Variants in NRG3 observed in about 807,000 individuals in gnomAD.
The protein encoded by NRG3 is neuregulin 3.
In NRG3, 31 loss-of-function variants were observed where a neutral mutation model predicts 66.9. The ratio of observed to expected loss-of-function variants is 0.46; its 90% confidence interval spans 0.35 to 0.63. NRG3 has a LOEUF of 0.63. Among genes scored for constraint, NRG3 ranks in the 20% least tolerant of loss-of-function variants. NRG3 has a pLI of 0.00. For missense variants in NRG3, 910 were observed against 878.9 expected (o/e 1.04, Z -0.45); for synonymous variants, 393 against 359.4 (o/e 1.09, Z -1.06).
At chr10:82,546,646 A>G (rs2043937597) in intron 2 of NRG3, among the ~76,000 whole-genome samples, 1 of 152,188 alleles carries the variant, frequency 6.6e-6, no homozygotes, top group South Asian at 2.1e-4. Context: ...TTTTATAACA[A>G]AAGTATTCCT....
intron 2 of NRG3, among the ~76,000 whole-genome samples, chr10:82,426,369 C>T (rs2089439223): frequency 6.6e-6 from 1 of 151,980 alleles, no homozygotes; most frequent in African/African-American, 2.4e-5. Flanking sequence ...GTTGTTGTCT[C>T]CAATAGTGGC....
At chr10:82,720,821 A>ATATATATATATATT (rs1173358001) in intron 2 of NRG3, among the ~76,000 whole-genome samples, 2 of 33,922 alleles carry the variant, frequency 5.9e-5, no homozygotes, top group Non-Finnish European at 1.3e-4. Context: ...ATATATATAT[A>ATATATATATATATT]TATATATATA....
chr10:82,232,779 G>A (rs1172564072), intron 1 of NRG3: 2 of 717,340 alleles, frequency 2.8e-6, no homozygotes, highest in Non-Finnish European at 5.2e-6. Context: ...ATGGCAACAT[G>A]GGGAAGACCA....
intron 2 of NRG3, among the ~76,000 whole-genome samples, chr10:82,512,719 T>C (rs1845306721): frequency 6.6e-6 from 1 of 152,214 alleles, no homozygotes; most frequent in African/African-American, 2.4e-5. Context: ...TAGATTTTTT[T>C]CCTTGCTTCT....
At chr10:82,161,841 A>G (rs185556979) in intron 1 of NRG3, among the ~76,000 whole-genome samples, 103 of 152,306 alleles carry the variant, frequency 6.8e-4, no homozygotes, top group Non-Finnish European at 6.3e-4. Flanking sequence ...AAGCAAAGCA[A>G]TTAAGCTTGG....
intron 4 of NRG3, among the ~76,000 whole-genome samples, chr10:82,891,652 T>C (rs1843158151): frequency 6.6e-6 from 1 of 152,092 alleles, no homozygotes; most frequent in African/African-American, 2.4e-5. Context: ...CTTGTTACTC[T>C]TACTTATTAC....
intron 1 of NRG3, among the ~76,000 whole-genome samples, chr10:82,217,205 C>T (rs2075731656): frequency 1.3e-5 from 2 of 152,128 alleles, no homozygotes; most frequent in African/African-American, 4.8e-5. Context: ...GTTGAGGGTG[C>T]CTGTGGGGCT....
At chr10:81,963,146 TTTTTTG>T (rs2059588482) in intron 1 of NRG3, among the ~76,000 whole-genome samples, 1 of 137,130 alleles carries the variant, frequency 7.3e-6, no homozygotes, top group Admixed American at 7.2e-5. Flanking sequence ...TTTTTTTTTT[TTTTTTG>T]AGACGGAGTC....
intron 1 of NRG3, among the ~76,000 whole-genome samples, chr10:82,336,969 A>G (rs2082423267): frequency 6.6e-6 from 1 of 152,164 alleles, no homozygotes; most frequent in African/African-American, 2.4e-5. Context: ...TAAGGCAAAG[A>G]GTTTTTGGGA....
At chr10:82,417,644 A>T (rs566787785) in intron 2 of NRG3, among the ~76,000 whole-genome samples, 1 of 152,316 alleles carries the variant, frequency 6.6e-6, no homozygotes, top group East Asian at 1.9e-4. Context: ...ATTTTACAGA[A>T]GGGGAAACTG....
At chr10:82,983,303 T>C (rs2132687941) in intron 8 of NRG3, among the ~76,000 whole-genome samples, 1 of 152,348 alleles carries the variant, frequency 6.6e-6, no homozygotes, top group South Asian at 2.1e-4. Context: ...CTTTACTTCT[T>C]GTTGAAATTG....
rs1342713758 is a variant in NRG3 at position 82,741,199 on chromosome 10, T to G, written c.1027+2549T>G. On this transcript the variant is annotated intron_variant, in intron 3 of 8. Transcript: ENST00000372141. ...TTTAGGTAATCATTAATTCATTTCA[T>G]CAGTATTTTCTCAGCATCCACCAAG... Among the ~76,000 whole-genome samples, 8 of 152,266 alleles carry G rather than the reference T, an allele frequency of 5.3e-5. No individual in the cohort carries two copies. In the South Asian group the frequency reaches 6.2e-4, roughly 12 times the overall value.
chr10:82,592,759 A>C (rs1473497024), intron 2 of NRG3, among the ~76,000 whole-genome samples: 1 of 152,174 alleles, frequency 6.6e-6, no homozygotes, highest in Non-Finnish European at 1.5e-5. Context: ...AGACGATTAA[A>C]TGTTCACTGC....
intron 1 of NRG3, among the ~76,000 whole-genome samples, chr10:82,220,315 C>T (rs1384956196): frequency 1.3e-5 from 2 of 151,982 alleles, no homozygotes; most frequent in Admixed American, 6.6e-5. Flanking sequence ...AGGGATATAG[C>T]AACTAAAAGG....
chr10:82,486,707 C>T (rs189231550), intron 2 of NRG3, among the ~76,000 whole-genome samples: 59 of 152,218 alleles, frequency 3.9e-4, no homozygotes, highest in Admixed American at 3.5e-3. Flanking sequence ...CCACCACACC[C>T]GGCCACAATG....
At position 82,791,309 on chromosome 10, in the gene NRG3, TG is replaced by T. The variant is rs1474658494; in HGVS notation, c.1027+52661del. Among the ~76,000 whole-genome samples the T allele has an allele frequency of 6.7e-3, 1,016 of 151,444 alleles. 12 individuals are homozygous for T. The highest frequency in any genetic ancestry group is 0.024 in the African/African-American group (979 of 41,218). ...CTGATGTTTATTGCTGTTTTTTTTT[TG>T]GTTTTTTTTTCATTTTTGGTAACTT... On this transcript the variant is annotated intron_variant, in intron 3 of 8. Coordinates refer to ENST00000372141, the MANE Select transcript of NRG3 (RefSeq NM_001010848.4).
At chr10:81,947,046 T>G (rs1055646316) in intron 1 of NRG3, among the ~76,000 whole-genome samples, 4 of 152,156 alleles carry the variant, frequency 2.6e-5, no homozygotes, top group African/African-American at 9.7e-5. Context: ...AGGCAGGGTA[T>G]CAGCAGTGCC....
intron 1 of NRG3, among the ~76,000 whole-genome samples, chr10:82,092,460 G>T (rs553043914): frequency 6.6e-6 from 1 of 151,988 alleles, no homozygotes; most frequent in Non-Finnish European, 1.5e-5. Flanking sequence ...AGTATAAAAT[G>T]ATACCCACCC....
chr10:82,174,201 A>G (rs903334510), intron 1 of NRG3, among the ~76,000 whole-genome samples: 3 of 152,126 alleles, frequency 2.0e-5, no homozygotes, highest in Admixed American at 2.0e-4. Flanking sequence ...AAAGACTAGT[A>G]GTCCCATTAT....
Sources: gnomAD v4.1 joint callset for allele counts (sites outside exome capture counted in the v4.1 genomes callset) on GRCh38, gnomAD v4.1.1 for gene constraint, MANE v1.5 for transcripts, NCBI Gene and HGNC (gene_info 2026-07-23, HGNC 2026-07-21) for gene names.